The following MSRA variants were observed in gnomAD, a reference collection of about 807,000 sequenced individuals.
The protein encoded by MSRA is mitochondrial peptide methionine sulfoxide reductase.
In MSRA, 54 loss-of-function variants were observed where a neutral mutation model predicts 31.3. The observed-to-expected ratio is 1.73, with a 90% CI of 1.39 to 2.17. MSRA has a LOEUF of 2.17. Among genes scored for constraint, MSRA ranks in the 30% most tolerant of loss-of-function variants. The pLI is 0.00. For synonymous variants in MSRA, 169 were observed against 116.5 expected (o/e 1.45, Z -2.90); for missense variants, 507 against 300.9 (o/e 1.69, Z -5.07).
chr8:10,117,560 C>T (rs1462036526), intron 1 of MSRA, among the ~76,000 whole-genome samples: 1 of 152,154 alleles, frequency 6.6e-6, no homozygotes, highest in East Asian at 1.9e-4. Flanking sequence ...TGAATCCTAG[C>T]TGTTGGGAGC....
intron 5 of MSRA, among the ~76,000 whole-genome samples, chr8:10,328,191 T>C (rs1189142004): frequency 1.3e-5 from 2 of 151,594 alleles, no homozygotes; most frequent in Non-Finnish European, 2.9e-5. Context: ...AAAATGAAAG[T>C]TTGATTATTG....
At chr8:10,197,766 C>G (rs1277826152) in intron 1 of MSRA, among the ~76,000 whole-genome samples, 1 of 152,064 alleles carries the variant, frequency 6.6e-6, no homozygotes. Flanking sequence ...GTGACTTGGC[C>G]CTGACCAGAG....
intron 2 of MSRA, among the ~76,000 whole-genome samples, chr8:10,224,613 C>A (rs923711817): frequency 6.6e-6 from 1 of 152,074 alleles, no homozygotes; most frequent in African/African-American, 2.4e-5. Flanking sequence ...TGTATGGAGT[C>A]CAGTGGACAG....
chr8:10,084,591 A>T (rs182408471), intron 1 of MSRA, among the ~76,000 whole-genome samples: 2 of 152,236 alleles, frequency 1.3e-5, no homozygotes, highest in Admixed American at 6.5e-5. Context: ...GGCAAGTTAC[A>T]TGACCTTGGT....
intron 3 of MSRA, among the ~76,000 whole-genome samples, chr8:10,289,459 C>G (rs1314528172): frequency 6.6e-6 from 1 of 152,048 alleles, no homozygotes; most frequent in Admixed American, 6.5e-5. Flanking sequence ...GTGTAGGAAT[C>G]ACATCATGGA....
intron 1 of MSRA, among the ~76,000 whole-genome samples, chr8:10,060,175 G>A (rs1434231327): frequency 5.3e-5 from 8 of 152,176 alleles, no homozygotes. Flanking sequence ...ATTCACTACA[G>A]CTTTGTTTGC....
At chr8:10,301,184 A>G (rs1315522936) in intron 3 of MSRA, among the ~76,000 whole-genome samples, 2 of 152,232 alleles carry the variant, frequency 1.3e-5, no homozygotes, top group African/African-American at 4.8e-5. Context: ...TTCCCTTTGC[A>G]GAGTTTCAGT....
intron 1 of MSRA, 142 bp downstream of exon 1, chr8:10,054,800 A>G (rs1034700424): frequency 3.2e-6 from 3 of 943,810 alleles, no homozygotes; most frequent in Non-Finnish European, 4.2e-6. Context: ...GCAGGCGCGA[A>G]GGGGCGCCGG....
chr8:10,056,777 C>T (rs1006033915), intron 1 of MSRA, among the ~76,000 whole-genome samples: 2 of 152,138 alleles, frequency 1.3e-5, no homozygotes, highest in Non-Finnish European at 2.9e-5. Flanking sequence ...GTGGAATTCA[C>T]CTCCACTGCA....
In MSRA at chr8:10,210,982, C is replaced by T. The variant is rs1563222396; in HGVS notation, c.211+3081C>T. ...AACTCCTAACCTCAAGAGATCCGCC[C>T]ACTTTAGCCTCCCCAAATGCCGGGA... On this transcript the variant is annotated intron_variant, in intron 2 of 5. Transcript: ENST00000317173. Among the ~76,000 whole-genome samples the T allele has an allele frequency of 2.6e-5, 4 of 151,920 alleles. No homozygotes were observed. The South Asian group carries it at 6.2e-4, about 24-fold the overall frequency.
chr8:10,340,603 C>T (rs1803365133), intron 5 of MSRA, among the ~76,000 whole-genome samples: 1 of 152,174 alleles, frequency 6.6e-6, no homozygotes, highest in African/African-American at 2.4e-5. Flanking sequence ...GAGTTCCTGG[C>T]CTCAAGTGAT....
chr8:10,340,988 T>C (rs1176422455), intron 5 of MSRA, among the ~76,000 whole-genome samples: 3 of 152,144 alleles, frequency 2.0e-5, no homozygotes, highest in Non-Finnish European at 4.4e-5. Flanking sequence ...CAACATGAAG[T>C]AAGATTTCCA....
At chr8:10,372,378 C>G (rs1805527897) in intron 5 of MSRA, among the ~76,000 whole-genome samples, 1 of 152,220 alleles carries the variant, frequency 6.6e-6, no homozygotes. Flanking sequence ...ATAAGAGAAA[C>G]AGATTCCTTC....
chr8:10,298,096 T>C (rs911921172), intron 3 of MSRA, among the ~76,000 whole-genome samples: 7 of 152,208 alleles, frequency 4.6e-5, no homozygotes, highest in African/African-American at 1.4e-4. Flanking sequence ...AAAAAACTCA[T>C]AGGGAGACCT....
chr8:10,255,010 C>G (rs190315888), intron 3 of MSRA, among the ~76,000 whole-genome samples: 185 of 152,276 alleles, frequency 1.2e-3, no homozygotes, highest in African/African-American at 4.3e-3. Context: ...TTTCTTCAGG[C>G]AAAAATTTTG....
chr8:10,144,381 A>T (rs1802958542), intron 1 of MSRA, among the ~76,000 whole-genome samples: 1 of 151,062 alleles, frequency 6.6e-6, no homozygotes, highest in Non-Finnish European at 1.5e-5. Context: ...TTCAGTACCT[A>T]AAACCAGCGT....
intron 4 of MSRA, among the ~76,000 whole-genome samples, chr8:10,303,356 C>T (rs758867758): frequency 5.9e-5 from 9 of 152,226 alleles, no homozygotes; most frequent in South Asian, 2.1e-4. Flanking sequence ...TTGCTAATAC[C>T]GGCCCCTGAA....
At chr8:10,346,377 C>T (rs964039313) in intron 5 of MSRA, among the ~76,000 whole-genome samples, 3 of 152,186 alleles carry the variant, frequency 2.0e-5, no homozygotes, top group African/African-American at 7.2e-5. Context: ...GCTGGTTCCC[C>T]ACTCTCCTAA....
At chr8:10,427,768 C>T (rs988497968) in intron 5 of MSRA, among the ~76,000 whole-genome samples, 3 of 152,196 alleles carry the variant, frequency 2.0e-5, no homozygotes, top group Non-Finnish European at 4.4e-5. Flanking sequence ...CATTTACCCT[C>T]GGGGACAGCC....
Sources: gnomAD v4.1 joint callset for allele counts (sites outside exome capture counted in the v4.1 genomes callset) on GRCh38, gnomAD v4.1.1 for gene constraint, MANE v1.5 for transcripts, NCBI Gene and HGNC (gene_info 2026-07-23, HGNC 2026-07-21) for gene names.